Variants in BMPER observed in about 807,000 individuals in gnomAD.
BMPER encodes the protein BMP-binding endothelial regulator protein.
A neutral mutation model predicts 87.3 loss-of-function variants in BMPER; 45 were observed. That is an observed-to-expected ratio of 0.52 (90% CI 0.41 to 0.66). BMPER has a LOEUF of 0.66. BMPER is among the 30% of genes least tolerant of loss of function. BMPER has a pLI of 0.00. For synonymous variants in BMPER, 326 were observed against 316.2 expected (o/e 1.03, Z -0.33); for missense variants, 784 against 867.5 (o/e 0.90, Z 1.21).
chr7:34,148,269 TAC>T (rs1320164643), intron 14 of BMPER, among the ~76,000 whole-genome samples: 1 of 152,214 alleles, frequency 6.6e-6, no homozygotes, highest in Non-Finnish European at 1.5e-5. Flanking sequence ...ACTTGATACT[TAC>T]ACAGGATCCA....
At chr7:34,105,541 T>C (rs1049446824) in intron 13 of BMPER, among the ~76,000 whole-genome samples, 2 of 152,204 alleles carry the variant, frequency 1.3e-5, no homozygotes, top group African/African-American at 4.8e-5. Context: ...TGAGAACAGT[T>C]TGATCGTCAA....
chr7:33,957,366 A>T (rs1785171474), intron 3 of BMPER, among the ~76,000 whole-genome samples: 1 of 150,518 alleles, frequency 6.6e-6, no homozygotes, highest in Non-Finnish European at 1.5e-5. Flanking sequence ...AAGGCTACAT[A>T]CTAGATGATC....
At chr7:34,066,589 G>A (rs1251383783) in intron 11 of BMPER, among the ~76,000 whole-genome samples, 1 of 152,210 alleles carries the variant, frequency 6.6e-6, no homozygotes, top group African/African-American at 2.4e-5. Context: ...TGAGCACAGG[G>A]TAGGTGCCAG....
At chr7:34,093,997 G>A (rs1168844720) in intron 13 of BMPER, among the ~76,000 whole-genome samples, 1 of 152,076 alleles carries the variant, frequency 6.6e-6, no homozygotes, top group Non-Finnish European at 1.5e-5. Flanking sequence ...AGAGGGGAAG[G>A]GACTCATTCC....
chr7:33,927,513 C>A (rs1784389204), intron 2 of BMPER, among the ~76,000 whole-genome samples: 1 of 152,160 alleles, frequency 6.6e-6, no homozygotes. Flanking sequence ...TTTAAAAGGT[C>A]CATTGAGTCA....
chr7:33,960,612 C>T (rs9639688), intron 3 of BMPER, among the ~76,000 whole-genome samples: 120,409 of 152,126 alleles, frequency 0.79, 47,768 homozygotes, highest in East Asian at 0.86. Context: ...ATTAAAAAAG[C>T]AGTTGAGAAT....
intron 2 of BMPER, among the ~76,000 whole-genome samples, chr7:33,922,542 G>A (rs1024005415): frequency 2.0e-5 from 3 of 152,156 alleles, no homozygotes; most frequent in South Asian, 2.1e-4. Context: ...TGAAGTCATG[G>A]TTTTTAGTTT....
chr7:33,964,066 G>A (rs1042747920), intron 3 of BMPER, among the ~76,000 whole-genome samples: 1 of 152,154 alleles, frequency 6.6e-6, no homozygotes, highest in African/African-American at 2.4e-5. Flanking sequence ...TATTTTTGGA[G>A]TACATATAAG....
chr7:34,080,993 A>G (rs1789030674), intron 12 of BMPER, among the ~76,000 whole-genome samples: 1 of 151,684 alleles, frequency 6.6e-6, no homozygotes, highest in African/African-American at 2.4e-5. Context: ...CAGTTTTACA[A>G]TTTCTTTTTT....
intron 2 of BMPER, among the ~76,000 whole-genome samples, chr7:33,927,719 G>A (rs1213259767): frequency 2.6e-5 from 4 of 151,800 alleles, no homozygotes; most frequent in Non-Finnish European, 2.9e-5. Context: ...TACCAACCTG[G>A]CCAGAAGATT....
chr7:34,141,167 GC>G (rs1790856838), intron 13 of BMPER, among the ~76,000 whole-genome samples: 1 of 152,282 alleles, frequency 6.6e-6, no homozygotes, highest in Middle Eastern at 3.4e-3. Context: ...GCATTTAGAC[GC>G]CATTTTAAGG....
Position 34,084,391 on chromosome 7 carries a change from G to A in BMPER, c.1409-1365G>A, listed in dbSNP as rs1469187136. 2.0e-5 allele frequency among the ~76,000 whole-genome samples: 3 copies of A among 152,136 alleles called. No individual in the cohort carries two copies. The East Asian group carries it at 5.8e-4, about 29-fold the overall frequency. On this transcript the variant is annotated intron_variant, in intron 12 of 14. Transcript: ENST00000649409. ...GCTTCCTCTGTGGGTGCCAGTCTTT[G>A]GAGACAGAGAGTGAATTAGGAGAAG...
chr7:33,965,361 C>T lies in BMPER; in HGVS notation c.320-1118C>T, dbSNP rs148624183. Among the ~76,000 whole-genome samples, 96 of 151,980 alleles carry T rather than the reference C, an allele frequency of 6.3e-4. 1 individual carries two copies. Among genetic ancestry groups the T allele is most frequent in the African/African-American group, 2.2e-3 (91 of 41,436 alleles). On this transcript the variant is annotated intron_variant, in intron 3 of 14. Transcript: ENST00000649409. ...ACATCTATTGAATTTTTTCTAAGTC[C>T]TTTGTTATTCTGCTTGAATGTATTA...
intron 2 of BMPER, among the ~76,000 whole-genome samples, chr7:33,930,367 C>T (rs529919771): frequency 6.6e-6 from 1 of 152,262 alleles, no homozygotes; most frequent in East Asian, 1.9e-4. Context: ...GAAGAATGAG[C>T]AAGCAAAAGC....
chr7:33,979,494 C>A lies in BMPER; in HGVS notation c.576+4710C>A, dbSNP rs539729504. On this transcript the variant is annotated intron_variant, in intron 6 of 14. Transcript: ENST00000649409. ...CTCTGTGCTTAGCACCACTGGCAGG[C>A]GCTCAGCAATGTTGGCACCCTTCTT... Among the ~76,000 whole-genome samples the A allele has an allele frequency of 5.9e-5, 9 of 152,114 alleles. No homozygotes were observed. The South Asian group carries it at 1.9e-3, about 32-fold the overall frequency.
At chr7:33,924,565 G>T (rs939508426) in intron 2 of BMPER, among the ~76,000 whole-genome samples, 6 of 152,214 alleles carry the variant, frequency 3.9e-5, no homozygotes, top group Non-Finnish European at 7.3e-5. Flanking sequence ...TCTTTCCAGT[G>T]CCTGGAGCAC....
chr7:33,933,623 GA>G (rs1253336987), intron 2 of BMPER, among the ~76,000 whole-genome samples: 1 of 152,016 alleles, frequency 6.6e-6, no homozygotes, highest in Non-Finnish European at 1.5e-5. Flanking sequence ...ATCCAAATTG[GA>G]ACAACTTTCC....
intron 6 of BMPER, among the ~76,000 whole-genome samples, chr7:33,990,689 G>A (rs112854681): frequency 6.8e-6 from 1 of 145,994 alleles, no homozygotes; most frequent in Non-Finnish European, 1.5e-5. Flanking sequence ...TCCCTGTCTT[G>A]TGCCAGTTTT....
chr7:34,037,451 C>G (rs1189645901), intron 6 of BMPER, among the ~76,000 whole-genome samples: 1 of 152,098 alleles, frequency 6.6e-6, no homozygotes, highest in African/African-American at 2.4e-5. Flanking sequence ...ACCCCTCCAC[C>G]GAGACCGGTT....
Sources: gnomAD v4.1 joint callset for allele counts (sites outside exome capture counted in the v4.1 genomes callset) on GRCh38, gnomAD v4.1.1 for gene constraint, MANE v1.5 for transcripts, NCBI Gene and HGNC (gene_info 2026-07-23, HGNC 2026-07-21) for gene names.